ITPR2: variants seen among roughly 807,000 people sequenced by gnomAD.
ITPR2 encodes inositol 1,4,5-trisphosphate receptor type 2.
A neutral mutation model predicts 317.1 loss-of-function variants in ITPR2; 207 were observed. That is an observed-to-expected ratio of 0.65 (90% CI 0.58 to 0.73). ITPR2 has a LOEUF of 0.73. ITPR2 is among the 30% of genes least tolerant of loss of function. The pLI, the probability that ITPR2 is intolerant of heterozygous loss-of-function variation, is 0.00. For synonymous variants in ITPR2, 1,156 were observed against 1,149.1 expected (o/e 1.01, Z -0.12); for missense variants, 2,613 against 3,284.0 (o/e 0.80, Z 4.99).
chr12:26,784,806 G>C (rs1271552619), intron 2 of ITPR2, among the ~76,000 whole-genome samples: 8 of 124,294 alleles, frequency 6.4e-5, no homozygotes, highest in Non-Finnish European at 1.2e-4. Context: ...GCCCCCCATC[G>C]TCTGGGATAC....
chr12:26,401,637 G>T (rs748788805), intron 52 of ITPR2, among the ~76,000 whole-genome samples: 2 of 152,160 alleles, frequency 1.3e-5, no homozygotes, highest in Non-Finnish European at 2.9e-5. Context: ...GAACCACAGG[G>T]GTGATAAATT....
chr12:26,516,617 T>C (rs558617557), intron 37 of ITPR2, among the ~76,000 whole-genome samples: 2 of 152,246 alleles, frequency 1.3e-5, no homozygotes, highest in Admixed American at 1.3e-4. Flanking sequence ...AAAATCATTA[T>C]AAAAAAATTT....
At chr12:26,810,421 G>T (rs1408588491) in intron 1 of ITPR2, among the ~76,000 whole-genome samples, 1 of 152,152 alleles carries the variant, frequency 6.6e-6, no homozygotes, top group Non-Finnish European at 1.5e-5. Context: ...TTATCCCTGT[G>T]CCCAACCTTT....
intron 2 of ITPR2, among the ~76,000 whole-genome samples, chr12:26,772,478 A>AT (rs58056683): frequency 3.7e-5 from 3 of 80,636 alleles, no homozygotes; most frequent in Non-Finnish European, 9.9e-5. Flanking sequence ...TATTATATAT[A>AT]ATATATATAA....
intron 37 of ITPR2, among the ~76,000 whole-genome samples, chr12:26,504,283 C>T (rs916348850): frequency 6.6e-6 from 1 of 152,198 alleles, no homozygotes; most frequent in African/African-American, 2.4e-5. Flanking sequence ...TGCTTCCTAA[C>T]ACATATCCAT....
chr12:26,576,657 G>A (rs1247057135), intron 34 of ITPR2, among the ~76,000 whole-genome samples: 3 of 152,150 alleles, frequency 2.0e-5, no homozygotes, highest in Non-Finnish European at 2.9e-5. Flanking sequence ...GTGTCCATGC[G>A]AGGAGCAGCC....
At chr12:26,525,240 T>C (rs1943780712) in intron 37 of ITPR2, among the ~76,000 whole-genome samples, 1 of 152,216 alleles carries the variant, frequency 6.6e-6, no homozygotes, top group South Asian at 2.1e-4. Context: ...CCTGCCAAAC[T>C]TTCTGTTGCT....
intron 21 of ITPR2, among the ~76,000 whole-genome samples, chr12:26,646,344 C>T (rs1325052721): frequency 6.6e-6 from 1 of 151,976 alleles, no homozygotes; most frequent in Non-Finnish European, 1.5e-5. Context: ...AATGTTTCTG[C>T]CCCGCCCCTC....
At chr12:26,793,914 A>G (rs1950385052) in intron 1 of ITPR2, among the ~76,000 whole-genome samples, 1 of 152,200 alleles carries the variant, frequency 6.6e-6, no homozygotes, top group South Asian at 2.1e-4. Context: ...GCACCTTTCA[A>G]TCCAATCCAT....
chr12:26,509,283 T>C (rs570949087), intron 37 of ITPR2, among the ~76,000 whole-genome samples: 1 of 152,294 alleles, frequency 6.6e-6, no homozygotes, highest in Non-Finnish European at 1.5e-5. Flanking sequence ...GGGTTTCTTT[T>C]AGGGGTGATG....
chr12:26,494,352 A>T lies in ITPR2; in HGVS notation c.5183-12T>A. 1 of 1,562,412 alleles carries T rather than the reference A, an allele frequency of 6.4e-7. No homozygotes were observed. Among genetic ancestry groups the T allele is most frequent in the Non-Finnish European group, 8.7e-7 (1 of 1,147,192 alleles). On this transcript the variant is annotated splice_polypyrimidine_tract_variant and intron_variant, in intron 38 of 56. Transcript: ENST00000381340. ...TCCAGAAAAGCTTCCTGTGATTGGG[A>T]AAAATAAATAAATAAACCTTAATTG... is the stretch of plus-strand genomic sequence containing the variant.
In ITPR2 at chr12:26,367,937, G is replaced by A. The variant is rs58127915; in HGVS notation, c.7857+19497C>T. ...ATGGGTTGTTGACTAAATCCAACTC[G>A]AGCCTCGACTACATTTTCTTTGTGA... On this transcript the variant is annotated intron_variant, in intron 55 of 56. Transcript: ENST00000381340. 5.2e-3 allele frequency among the ~76,000 whole-genome samples: 799 copies of A among 152,264 alleles called. 9 individuals carry two copies. Among genetic ancestry groups the A allele is most frequent in the African/African-American group, 0.018 (758 of 41,546 alleles).
intron 36 of ITPR2, among the ~76,000 whole-genome samples, chr12:26,551,218 A>G (rs933691031): frequency 6.6e-6 from 1 of 152,168 alleles, no homozygotes; most frequent in Admixed American, 6.5e-5. Flanking sequence ...AACCCTGGGG[A>G]AAAAGTGAAC....
intron 42 of ITPR2, 37 bp from the exon 43 acceptor site, chr12:26,481,278 C>G (rs1565551114): frequency 8.1e-7 from 1 of 1,229,434 alleles, no homozygotes; most frequent in Non-Finnish European, 1.2e-6. Context: ...TCATTTTATT[C>G]ACAACAGAAT....
At chr12:26,697,149 C>A (rs1948366980) in intron 9 of ITPR2, among the ~76,000 whole-genome samples, 1 of 152,208 alleles carries the variant, frequency 6.6e-6, no homozygotes, top group Non-Finnish European at 1.5e-5. Context: ...AATCTGGGAA[C>A]TGCGCTGCAA....
intron 19 of ITPR2, 148 bp from the exon 20 acceptor site, chr12:26,656,000 T>C: frequency 3.8e-6 from 3 of 796,528 alleles, no homozygotes; most frequent in East Asian, 5.0e-5. Flanking sequence ...AATGGGGCTA[T>C]TGTGAAATGA....
intron 37 of ITPR2, among the ~76,000 whole-genome samples, chr12:26,536,246 G>A (rs535015392): frequency 5.8e-4 from 88 of 152,244 alleles, no homozygotes; most frequent in Middle Eastern, 3.4e-3. Flanking sequence ...AGATTTTCCC[G>A]AAGAACTCAG....
At chr12:26,414,050 T>TAC (rs777855580) in intron 51 of ITPR2, among the ~76,000 whole-genome samples, 4,942 of 137,964 alleles carry the variant, frequency 0.036, 175 homozygotes, top group African/African-American at 0.093. Flanking sequence ...TGTATATATG[T>TAC]ACACACACAC....
chr12:26,419,154 A>T lies in ITPR2; in HGVS notation c.7005T>A (p.Arg2335=), dbSNP rs1432531774. 1.2e-6 allele frequency: 2 copies of T among 1,613,800 alleles called. No individual in the cohort carries two copies. Among genetic ancestry groups the T allele is most frequent in the Non-Finnish European group, 1.7e-6 (2 of 1,179,806 alleles). The stretch of plus-strand genomic sequence containing the variant: ...TATCCAGGATGACTGCTCGGTACCC[A>T]CGGGTGAACGTGCCACGATTTCCAA... ...SFVGNRGTFT[R]GYRAVILDMA... The change falls in exon 50 of 57, where the codon CGT becomes CGA. Residue 2335 remains arginine (R), a synonymous_variant. Transcript: ENST00000381340.
Sources: gnomAD v4.1 joint callset for allele counts (sites outside exome capture counted in the v4.1 genomes callset) on GRCh38, gnomAD v4.1.1 for gene constraint, MANE v1.5 for transcripts, NCBI Gene and HGNC (gene_info 2026-07-23, HGNC 2026-07-21) for gene names.